KIAA1217: variants seen among roughly 807,000 people sequenced by gnomAD.
The protein encoded by KIAA1217 is sickle tail protein homolog.
KIAA1217 carries 88 observed loss-of-function variants against 163.9 expected under a neutral mutation model. That is an observed-to-expected ratio of 0.54 (90% CI 0.45 to 0.64). KIAA1217 has a LOEUF of 0.64. Ranked by LOEUF, KIAA1217 falls within the 30% of genes least tolerant of loss-of-function variation. The pLI, the probability that KIAA1217 is intolerant of heterozygous loss-of-function variation, is 0.00. For missense variants in KIAA1217, 2,372 were observed against 2,475.0 expected (o/e 0.96, Z 0.88); for synonymous variants, 903 against 923.1 (o/e 0.98, Z 0.39).
chr10:24,360,938 G>C (rs2049901876), intron 2 of KIAA1217, among the ~76,000 whole-genome samples: 2 of 150,998 alleles, frequency 1.3e-5, no homozygotes, highest in South Asian at 4.2e-4. Context: ...AGAAAAGCAA[G>C]CACAAATAAT....
intron 3 of KIAA1217, among the ~76,000 whole-genome samples, chr10:24,426,312 C>T (rs1191160269): frequency 1.3e-5 from 2 of 152,074 alleles, no homozygotes; most frequent in East Asian, 3.9e-4. Flanking sequence ...TACAACAAAC[C>T]ATAATGCAGG....
At chr10:24,109,117 T>G (rs1647653847) in intron 2 of KIAA1217, among the ~76,000 whole-genome samples, 1 of 152,168 alleles carries the variant, frequency 6.6e-6, no homozygotes, top group Non-Finnish European at 1.5e-5. Flanking sequence ...AGGCATGAGC[T>G]ACCGTGCCTG....
chr10:24,017,756 G>A (rs796236907), intron 2 of KIAA1217, among the ~76,000 whole-genome samples: 11 of 152,146 alleles, frequency 7.2e-5, no homozygotes, highest in African/African-American at 2.2e-4. Flanking sequence ...CACTTACCCT[G>A]GGGAGTTTAC....
chr10:24,268,393 G>A (rs971457429), intron 2 of KIAA1217, among the ~76,000 whole-genome samples: 1 of 151,924 alleles, frequency 6.6e-6, no homozygotes, highest in Non-Finnish European at 1.5e-5. Context: ...CAAAAAGTGG[G>A]CAAAGGACAT....
At chr10:23,726,147 C>A (rs975628388) in intron 1 of KIAA1217, among the ~76,000 whole-genome samples, 2 of 152,010 alleles carry the variant, frequency 1.3e-5, no homozygotes, top group African/African-American at 4.8e-5. Flanking sequence ...AACTTTCAGT[C>A]TTTCTAAGTT....
At chr10:24,082,437 C>T (rs1277008935) in intron 2 of KIAA1217, among the ~76,000 whole-genome samples, 1 of 152,084 alleles carries the variant, frequency 6.6e-6, no homozygotes, top group African/African-American at 2.4e-5. Context: ...TGTTGTTCCG[C>T]TCCCTGTATT....
chr10:24,347,604 T>A (rs1180794666), intron 2 of KIAA1217, among the ~76,000 whole-genome samples: 1 of 152,138 alleles, frequency 6.6e-6, no homozygotes, highest in Non-Finnish European at 1.5e-5. Context: ...TAATATTTTG[T>A]TTTCATAGCT....
chr10:24,097,371 G>A (rs548287658), intron 2 of KIAA1217, among the ~76,000 whole-genome samples: 21 of 152,206 alleles, frequency 1.4e-4, no homozygotes, highest in African/African-American at 5.1e-4. Context: ...GAACAACATA[G>A]CAAGATCCTA....
chr10:23,732,162 G>A lies in KIAA1217; in HGVS notation c.-321+36928G>A, dbSNP rs138917995. Among the ~76,000 whole-genome samples, 1,037 of 152,082 alleles carry A rather than the reference G, an allele frequency of 6.8e-3. 15 individuals carry two copies. The highest frequency in any genetic ancestry group is 0.023 in the African/African-American group (967 of 41,492). On this transcript the variant is annotated intron_variant, in intron 1 of 18. Transcript: ENST00000376462. ...TTCTGAAAGAGATTGTAAAGAGCTC[G>A]TGTAATTTCTTCTTTAAATGTTTGA...
intron 1 of KIAA1217, among the ~76,000 whole-genome samples, chr10:24,217,451 A>G (rs1465756173): frequency 2.6e-5 from 4 of 152,222 alleles, no homozygotes; most frequent in African/African-American, 9.6e-5. Context: ...TGGAGATGCT[A>G]TAATTAGCAA....
intron 2 of KIAA1217, among the ~76,000 whole-genome samples, chr10:24,346,763 G>T (rs2047839608): frequency 6.6e-6 from 1 of 151,710 alleles, no homozygotes; most frequent in Non-Finnish European, 1.5e-5. Context: ...TGGAGTTGGG[G>T]TTTTGCCATG....
At chr10:24,383,244 A>G (rs539586648) in intron 3 of KIAA1217, among the ~76,000 whole-genome samples, 39 of 152,320 alleles carry the variant, frequency 2.6e-4, no homozygotes, top group African/African-American at 9.4e-4. Flanking sequence ...AGGTCTCTGT[A>G]AAGATAACCT....
chr10:24,135,257 G>C (rs1322694329), intron 2 of KIAA1217, among the ~76,000 whole-genome samples: 1 of 152,196 alleles, frequency 6.6e-6, no homozygotes, highest in African/African-American at 2.4e-5. Flanking sequence ...CTCAGCAAGG[G>C]ATCTGGAGGA....
intron 1 of KIAA1217, among the ~76,000 whole-genome samples, chr10:23,730,607 G>T (rs890350593): frequency 6.6e-6 from 1 of 151,908 alleles, no homozygotes; most frequent in Non-Finnish European, 1.5e-5. Context: ...TGACAATATT[G>T]AGTCTTCCTA....
intron 2 of KIAA1217, among the ~76,000 whole-genome samples, chr10:24,052,727 G>C (rs74123615): frequency 0.059 from 8,965 of 152,096 alleles, 397 homozygotes; most frequent in African/African-American, 0.12. Flanking sequence ...AAGAGTATGT[G>C]ATTACCTTTT....
chr10:24,421,520 T>G (rs2058732883), intron 3 of KIAA1217, among the ~76,000 whole-genome samples: 1 of 152,228 alleles, frequency 6.6e-6, no homozygotes, highest in African/African-American at 2.4e-5. Flanking sequence ...TTTTCTTATA[T>G]TCACCATGCT....
At position 24,473,652 on chromosome 10, in the gene KIAA1217, A is replaced by G. The variant is rs1393694226; in HGVS notation, c.1271A>G (p.Tyr424Cys). 2 of 1,614,156 alleles carry G rather than the reference A, an allele frequency of 1.2e-6. No homozygotes were observed. The highest frequency in any genetic ancestry group is 8.5e-7 in the Non-Finnish European group (1 of 1,180,020). Residue 424 changes from tyrosine (Y) to cysteine (C), a missense_variant, in exon 6 of 21, where the codon TAT (tyrosine) becomes TGT (cysteine). Coordinates refer to ENST00000376454, the MANE Select transcript of KIAA1217 (RefSeq NM_019590.5). Reference protein sequence around the residue: ...PLDVPDHIIAYHRTAIRSASA... With the variant: ...PLDVPDHIIACHRTAIRSASA... Reference sequence around the variant, plus strand: ...GATGTCCCCGACCACATCATTGCATATCACCGCACCGCCATCCGGTCAGCG... The same window carrying G: ...GATGTCCCCGACCACATCATTGCATGTCACCGCACCGCCATCCGGTCAGCG...
intron 2 of KIAA1217, among the ~76,000 whole-genome samples, chr10:24,234,988 C>T (rs1161268242): frequency 6.6e-6 from 1 of 152,152 alleles, no homozygotes; most frequent in African/African-American, 2.4e-5. Context: ...GACCCTATGC[C>T]AGGAAACAAG....
At chr10:24,269,229 A>T (rs1178167660) in intron 2 of KIAA1217, among the ~76,000 whole-genome samples, 1 of 151,254 alleles carries the variant, frequency 6.6e-6, no homozygotes, top group African/African-American at 2.4e-5. Flanking sequence ...AAAAAAAAAA[A>T]AAAAGGATTG....
Sources: gnomAD v4.1 joint callset for allele counts (sites outside exome capture counted in the v4.1 genomes callset) on GRCh38, gnomAD v4.1.1 for gene constraint, MANE v1.5 for transcripts, NCBI Gene and HGNC (gene_info 2026-07-23, HGNC 2026-07-21) for gene names.